IL27RA: variants seen among roughly 807,000 people sequenced by gnomAD.
The protein encoded by IL27RA is interleukin 27 receptor subunit alpha.
In IL27RA, 61 loss-of-function variants were observed where a neutral mutation model predicts 80.8. The observed-to-expected ratio is 0.76, with a 90% CI of 0.61 to 0.93. The LOEUF (loss-of-function observed/expected upper bound fraction) is 0.93. Among genes scored for constraint, IL27RA ranks in the 40% least tolerant of loss-of-function variants. The pLI, the probability that IL27RA is intolerant of heterozygous loss-of-function variation, is 0.00. For synonymous variants in IL27RA, 316 were observed against 332.5 expected (o/e 0.95, Z 0.54); for missense variants, 735 against 808.1 (o/e 0.91, Z 1.10).
In IL27RA at chr19:14,052,211, C is replaced by G; in HGVS notation, c.1832C>G (p.Ser611Cys). ...QPAQATAPLDSGYEKHFLPTP... is the reference protein window; with the variant it reads ...QPAQATAPLDCGYEKHFLPTP... The stretch of plus-strand genomic sequence containing the variant: ...GCCCAGGCCACCGCCCCGCTTGACT[C>G]TGGGTATGAGAAGCACTTCCTGCCC... The change falls in exon 14 of 14, where the codon TCT becomes TGT. Residue 611 changes from serine to cysteine, a missense_variant. Ser to Cys is a moderately radical substitution (Grantham distance 112). Transcript: ENST00000263379. 1.2e-6 allele frequency: 2 copies of G among 1,603,150 alleles called. No homozygotes were observed. The highest frequency in any genetic ancestry group is 1.7e-6 in the Non-Finnish European group (2 of 1,175,028).
At chr19:14,044,912 T>C (rs896161073) in intron 6 of IL27RA, among the ~76,000 whole-genome samples, 3 of 150,790 alleles carry the variant, frequency 2.0e-5, no homozygotes, top group Non-Finnish European at 4.4e-5. Flanking sequence ...GATCATAAGG[T>C]CAGGAGTTCA....
At chr19:14,047,722 C>T (rs1479178447) in intron 8 of IL27RA, among the ~76,000 whole-genome samples, 14 of 142,212 alleles carry the variant, frequency 9.8e-5, no homozygotes, top group Admixed American at 7.3e-5. Flanking sequence ...GGTGCGATAT[C>T]GGCTCACTGC....
At chr19:14,051,554 A>G in intron 11 of IL27RA, 53 bp from the exon 12 acceptor site, 1 of 1,077,540 alleles carries the variant, frequency 9.3e-7, no homozygotes. Context: ...AAATAAAAAT[A>G]AAAAATAAAA....
At chr19:14,045,403 C>A (rs1230619433) in intron 6 of IL27RA, among the ~76,000 whole-genome samples, 2 of 150,600 alleles carry the variant, frequency 1.3e-5, no homozygotes, top group Admixed American at 6.6e-5. Flanking sequence ...GAGATCAAGA[C>A]CATCCTGGCT....
At chr19:14,032,003 C>A in intron 1 of IL27RA, 31 bp downstream of exon 1, 1 of 1,556,324 alleles carries the variant, frequency 6.4e-7, no homozygotes, top group Non-Finnish European at 8.8e-7. Context: ...GTGTCCCGGG[C>A]GCTGCCGCTG....
chr19:14,035,779 G>A (rs8108000), intron 2 of IL27RA, among the ~76,000 whole-genome samples: 21,837 of 151,836 alleles, frequency 0.14, 4,149 homozygotes, highest in African/African-American at 0.44. Context: ...ATTGATTTAT[G>A]TATTGATTTT....
intron 4 of IL27RA, among the ~76,000 whole-genome samples, chr19:14,040,933 G>C (rs1381561405): frequency 7.1e-6 from 1 of 140,880 alleles, no homozygotes; most frequent in Non-Finnish European, 1.5e-5. Context: ...ATGGCGTTTT[G>C]CTCTTAATTG....
chr19:14,032,672 G>A (rs1975837492), intron 2 of IL27RA, among the ~76,000 whole-genome samples, 169 bp downstream of exon 2: 1 of 149,344 alleles, frequency 6.7e-6, no homozygotes, highest in Non-Finnish European at 1.5e-5. Flanking sequence ...CAGGGGTGGT[G>A]GCGCGCGCCT....
chr19:14,047,134 C>T (rs1475317019), intron 8 of IL27RA, among the ~76,000 whole-genome samples: 2 of 151,478 alleles, frequency 1.3e-5, no homozygotes, highest in Non-Finnish European at 2.9e-5. Context: ...ACTTCCATCT[C>T]CTGGGTTCAA....
intron 8 of IL27RA, 145 bp downstream of exon 8, chr19:14,046,763 G>A (rs888391982): frequency 2.5e-5 from 18 of 725,674 alleles, no homozygotes; most frequent in African/African-American, 1.4e-4. Flanking sequence ...TTGGGAGGCC[G>A]AAAGGGGCGG....
rs547186271 is a variant in IL27RA at position 14,038,620 on chromosome 19, C to G, written c.219-888C>G. ...GAGGAAAGGGCCGGGCGCAGTGGCT[C>G]ACGCCTGTAATTCCAGTACTTTGGG... On this transcript the variant is annotated intron_variant, in intron 2 of 13. Coordinates refer to ENST00000263379, the MANE Select transcript of IL27RA (RefSeq NM_004843.4). 2.0e-5 allele frequency among the ~76,000 whole-genome samples: 3 copies of G among 150,546 alleles called. No homozygotes were observed. In the East Asian group the frequency reaches 5.9e-4, roughly 29 times the overall value.
intron 8 of IL27RA, among the ~76,000 whole-genome samples, chr19:14,048,692 C>T (rs565901904): frequency 2.8e-3 from 421 of 152,280 alleles, no homozygotes; most frequent in Non-Finnish European, 5.2e-3. Context: ...ATAAATACCC[C>T]AGCTCCGTCC....
rs1447224776 is a variant in IL27RA at position 14,046,638 on chromosome 19, G to A, written c.1141+20G>A. The A allele has an allele frequency of 6.4e-7, 1 of 1,571,984 alleles. No individual in the cohort carries two copies. Among genetic ancestry groups the A allele is most frequent in the Admixed American group, 1.8e-5 (1 of 55,182 alleles). On this transcript the variant is annotated intron_variant, in intron 8 of 13. Transcript: ENST00000263379. ...TACCAGGTGAGGCCCTGGGACACCTGGGTCTCCATCCCCGCTGTTAGAGCA... is the reference window on the plus strand; with the variant it reads ...TACCAGGTGAGGCCCTGGGACACCTAGGTCTCCATCCCCGCTGTTAGAGCA...
chr19:14,048,286 A>T (rs76110533), intron 8 of IL27RA, among the ~76,000 whole-genome samples: 3,550 of 116,340 alleles, frequency 0.031, 55 homozygotes, highest in East Asian at 0.054. Context: ...ATAAATAAAT[A>T]AATAAATTAA....
intron 2 of IL27RA, among the ~76,000 whole-genome samples, chr19:14,033,306 C>T (rs111545382): frequency 0.086 from 12,921 of 150,782 alleles, 701 homozygotes; most frequent in Admixed American, 0.15. Flanking sequence ...ACCATGTTGG[C>T]CAGGCTGGTC....
At position 14,031,820 on chromosome 19, in the gene IL27RA, G is replaced by A; in HGVS notation, c.-53G>A. The A allele has an allele frequency of 6.9e-7, 1 of 1,452,088 alleles. No homozygotes were observed. Among genetic ancestry groups the A allele is most frequent in the East Asian group, 2.5e-5 (1 of 40,538 alleles). 90.0% of individuals were successfully genotyped at this position (1,452,088 alleles called of 1,614,324 possible). A position where few individuals can be genotyped will look rare whatever the true frequency, so the allele number is the denominator to read the frequency against. ...CCCAGAGCTCGAAGAGGAGCAGCGC[G>A]GCCGCGCGGACCCGGCAAGGCTGGG... is the stretch of plus-strand genomic sequence containing the variant. On this transcript the variant is annotated 5_prime_UTR_variant, in exon 1 of 14. Transcript: ENST00000263379.
At position 14,032,422 on chromosome 19, in the gene IL27RA, C is replaced by A. The variant is rs1171014246; in HGVS notation, c.137C>A (p.Pro46His). Residue 46 changes from proline (P) to histidine (H), a missense_variant, in exon 2 of 14, where the codon CCC (proline) becomes CAC (histidine). Transcript: ENST00000263379. Reference protein sequence around the residue: ...AGPLQCYGVGPLGDLNCSWEP... With the variant: ...AGPLQCYGVGHLGDLNCSWEP... ...CCACTGCAGTGCTACGGAGTTGGAC[C>A]CTTGGGCGACTTGAACTGCTCGTGG... is the stretch of plus-strand genomic sequence containing the variant. 2.5e-6 allele frequency: 4 copies of A among 1,613,696 alleles called. No homozygotes were observed. The highest frequency in any genetic ancestry group is 1.7e-6 in the Non-Finnish European group (2 of 1,179,934).
intron 8 of IL27RA, among the ~76,000 whole-genome samples, chr19:14,047,038 C>A (rs1055644229): frequency 7.9e-5 from 12 of 151,190 alleles, no homozygotes; most frequent in Admixed American, 6.6e-4. Context: ...TGAATTCACA[C>A]AAGACTTTTT....
rs1976069437 is a variant in IL27RA, at chr19:14,046,552, G to A, written c.1075G>A (p.Gly359Arg). 6.2e-7 allele frequency: 1 copy of A among 1,613,982 alleles called. No individual in the cohort carries two copies. Among genetic ancestry groups the A allele is most frequent in the Non-Finnish European group, 8.5e-7 (1 of 1,179,954 alleles). Residue 359 changes from glycine to arginine, a missense_variant, in exon 8 of 14, where the codon GGG becomes AGG. Gly to Arg is a moderately radical substitution (Grantham distance 125, BLOSUM62 -2). Coordinates refer to ENST00000263379, the MANE Select transcript of IL27RA (RefSeq NM_004843.4). ...GCATGTAGTGGACTGGGCTCGAGAT[G>A]GGGACCCCCTGGAGAAACTCAACTG... ...LEHVVDWARD[G>R]DPLEKLNWVR...
Sources: allele counts gnomAD v4.1 joint callset (sites outside exome capture counted in the v4.1 genomes callset), GRCh38; gene constraint gnomAD v4.1.1; transcripts MANE v1.5; gene names NCBI Gene and HGNC (gene_info 2026-07-23, HGNC 2026-07-21).